Variants in RBFOX2 observed in about 807,000 individuals in gnomAD.
RBFOX2 encodes the protein RNA binding fox-1 homolog 2, also known as RNA binding protein fox-1 homolog 2.
A neutral mutation model predicts 49.1 loss-of-function variants in RBFOX2; 10 were observed. The ratio of observed to expected loss-of-function variants is 0.20; its 90% CI spans 0.13 to 0.35. RBFOX2 has a LOEUF of 0.35. RBFOX2 is among the 10% of genes least tolerant of loss of function. The pLI, the probability that RBFOX2 is intolerant of heterozygous loss-of-function variation, is 1.00. For synonymous variants in RBFOX2, 183 were observed against 187.4 expected (o/e 0.98, Z 0.19); for missense variants, 323 against 486.9 (o/e 0.66, Z 3.17).
chr22:35,850,962 G>A (rs1008568635), intron 1 of RBFOX2, among the ~76,000 whole-genome samples: 9 of 152,146 alleles, frequency 5.9e-5, no homozygotes, highest in Non-Finnish European at 7.4e-5. Flanking sequence ...GGGCTATGAC[G>A]TCCCTAATCG....
rs569244100 is a variant in RBFOX2 at position 36,015,668 on chromosome 22, G to C, written c.186+12572C>G. On this transcript the variant is annotated intron_variant, in intron 1 of 13. Transcript: ENST00000438146. The stretch of plus-strand genomic sequence containing the variant: ...CAAAGCCACATATTCAGACTAATTA[G>C]GGGACAAGCCAGTCTGATTAGGGGA... Among the ~76,000 whole-genome samples, 663 of 152,328 alleles carry C rather than the reference G, an allele frequency of 4.4e-3. 3 individuals are homozygous for C. Among genetic ancestry groups the C allele is most frequent in the Non-Finnish European group, 6.8e-3 (461 of 68,038 alleles).
At chr22:36,021,086 G>A (rs535255708) in intron 1 of RBFOX2, among the ~76,000 whole-genome samples, 15 of 152,116 alleles carry the variant, frequency 9.9e-5, no homozygotes, top group Middle Eastern at 3.4e-3. Context: ...ATGAGTTCAC[G>A]TCCTTTGTAG....
At chr22:35,802,938 C>T (rs1950044402) in intron 2 of RBFOX2, among the ~76,000 whole-genome samples, 1 of 152,148 alleles carries the variant, frequency 6.6e-6, no homozygotes, top group Admixed American at 6.5e-5. Context: ...CCTGGATCAT[C>T]AGAGGGTGAA....
chr22:35,976,921 G>A (rs1307219612), intron 1 of RBFOX2, among the ~76,000 whole-genome samples: 3 of 149,376 alleles, frequency 2.0e-5, no homozygotes, highest in South Asian at 2.1e-4. Context: ...CCAAGATCGC[G>A]TCACTGCACT....
chr22:35,816,477 T>C (rs1953075263), intron 1 of RBFOX2, among the ~76,000 whole-genome samples: 1 of 152,194 alleles, frequency 6.6e-6, no homozygotes, highest in African/African-American at 2.4e-5. Flanking sequence ...TAGGTAAAAG[T>C]AATACATTTT....
At chr22:35,937,655 G>C (rs568429769) in intron 1 of RBFOX2, among the ~76,000 whole-genome samples, 1 of 152,168 alleles carries the variant, frequency 6.6e-6, no homozygotes, top group Admixed American at 6.5e-5. Flanking sequence ...CAATGGTGTA[G>C]TCTCAGCTCA....
chr22:35,763,417 C>G (rs905442619), intron 6 of RBFOX2, among the ~76,000 whole-genome samples: 5 of 152,004 alleles, frequency 3.3e-5, no homozygotes, highest in African/African-American at 1.2e-4. Flanking sequence ...CAAAAATTAG[C>G]CGGATGTGGT....
chr22:35,874,917 TA>T (rs1490098840), intron 1 of RBFOX2, among the ~76,000 whole-genome samples: 6 of 152,040 alleles, frequency 3.9e-5, no homozygotes, highest in Non-Finnish European at 5.9e-5. Flanking sequence ...AGGAAATAAT[TA>T]ATGTTAAGTA....
intron 1 of RBFOX2, among the ~76,000 whole-genome samples, chr22:35,883,696 T>C (rs1168807119): frequency 6.6e-6 from 1 of 152,226 alleles, no homozygotes; most frequent in Admixed American, 6.5e-5. Flanking sequence ...CAATGTTTTG[T>C]TTAGAAGTTT....
chr22:35,885,792 A>C (rs762650335), intron 1 of RBFOX2, among the ~76,000 whole-genome samples: 1 of 151,704 alleles, frequency 6.6e-6, no homozygotes, highest in Non-Finnish European at 1.5e-5. Context: ...TTAATACACA[A>C]TGAAGACAGT....
At chr22:35,849,477 C>CG (rs1489649796) in intron 1 of RBFOX2, among the ~76,000 whole-genome samples, 2 of 152,064 alleles carry the variant, frequency 1.3e-5, no homozygotes, top group Non-Finnish European at 2.9e-5. Flanking sequence ...TGAATGGTAC[C>CG]GGGTCAAAAG....
intron 1 of RBFOX2, among the ~76,000 whole-genome samples, chr22:35,894,489 AG>A (rs1454250385): frequency 1.3e-5 from 2 of 152,178 alleles, no homozygotes; most frequent in African/African-American, 4.8e-5. Flanking sequence ...CTGAGCCACC[AG>A]GAAGACTGCA....
chr22:35,895,002 G>C (rs1228905424), intron 1 of RBFOX2, among the ~76,000 whole-genome samples: 4 of 150,048 alleles, frequency 2.7e-5, no homozygotes, highest in African/African-American at 9.8e-5. Flanking sequence ...AGAAAAGACT[G>C]GTCTCCTCCC....
chr22:35,898,418 CCTTT>C (rs2048140485), intron 1 of RBFOX2: 1 of 377,332 alleles, frequency 2.7e-6, no homozygotes, highest in Non-Finnish European at 4.8e-6. Context: ...CTCCCACAAT[CCTTT>C]TTTTTTTTTT....
chr22:35,826,234 C>T (rs778608323), intron 1 of RBFOX2, among the ~76,000 whole-genome samples: 17 of 147,284 alleles, frequency 1.2e-4, no homozygotes, highest in Admixed American at 1.0e-3. Context: ...CTCAGCTACT[C>T]GGGAGGCTGA....
chr22:35,750,599 C>T, intron 9 of RBFOX2: 2 of 593,472 alleles, frequency 3.4e-6, no homozygotes, highest in Non-Finnish European at 3.1e-6. Flanking sequence ...TTCAGATACA[C>T]ACATGCCCCT....
chr22:36,028,528 C>T, exon 1 of RBFOX2: 1 of 972,816 alleles, frequency 1.0e-6, no homozygotes, highest in Non-Finnish European at 1.2e-6. Context: ...GCGCGCCTGC[C>T]CCCGCCCCCG....
chr22:35,740,088 T>A (rs902611596), exon 12 of RBFOX2: 10 of 152,620 alleles, frequency 6.6e-5, no homozygotes, highest in Non-Finnish European at 1.5e-5. Flanking sequence ...AGGAATCTGA[T>A]AACTTGCTGC....
chr22:35,871,895 C>T (rs1007437248), intron 1 of RBFOX2, among the ~76,000 whole-genome samples: 1 of 152,210 alleles, frequency 6.6e-6, no homozygotes, highest in Admixed American at 6.5e-5. Context: ...ACTGGCGAGG[C>T]AAGCTCCTTA....
Sources: allele counts gnomAD v4.1 joint callset (sites outside exome capture counted in the v4.1 genomes callset), GRCh38; gene constraint gnomAD v4.1.1; transcripts MANE v1.5; gene names NCBI Gene and HGNC (gene_info 2026-07-23, HGNC 2026-07-21).